FARS2: variants seen among roughly 807,000 people sequenced by gnomAD.
FARS2 encodes the protein phenylalanine--tRNA ligase, mitochondrial.
Under a neutral mutation model 46.4 loss-of-function variants are expected in FARS2, and 40 were observed. That is an observed-to-expected ratio of 0.86 (90% CI 0.67 to 1.12). The LOEUF is 1.12. FARS2 is among the 50% of genes most tolerant of loss of function. The probability of loss-of-function intolerance (pLI) is 0.00; values close to 1 mark genes in which losing one functional copy is unlikely to be tolerated. For missense variants in FARS2, 513 were observed against 567.9 expected (o/e 0.90, Z 0.98); for synonymous variants, 234 against 214.9 (o/e 1.09, Z -0.78).
At chr6:5,626,502 G>A (rs1561762088) in intron 6 of FARS2, among the ~76,000 whole-genome samples, 1 of 152,152 alleles carries the variant, frequency 6.6e-6, no homozygotes, top group Admixed American at 6.5e-5. Flanking sequence ...AGAGCTGTAC[G>A]TTTCCCCACT....
rs1411228287 is a variant in FARS2, at chr6:5,765,425, C to T, written c.1218-5866C>T. Among the ~76,000 whole-genome samples the T allele has an allele frequency of 2.0e-5, 3 of 152,214 alleles. No homozygotes were observed. Among genetic ancestry groups the T allele is most frequent in the Admixed American group, 1.3e-4 (2 of 15,284 alleles). ...TGGAAGAGGTGGGCCCTGGGCACAG[C>T]ATGTACTATGGCATCGCTCATCACC... On this transcript the variant is annotated intron_variant, in intron 6 of 6. Transcript: ENST00000274680. The surrounding 1 kb of genome is among the most constrained non-coding windows in gnomAD (Gnocchi z 4.0).
At chr6:5,588,490 A>C (rs1773742593) in intron 5 of FARS2, among the ~76,000 whole-genome samples, 1 of 152,136 alleles carries the variant, frequency 6.6e-6, no homozygotes, top group Non-Finnish European at 1.5e-5. Context: ...CTGCATATAA[A>C]AGCAAAGTCC....
At chr6:5,391,354 A>G (rs1760500831) in intron 2 of FARS2, among the ~76,000 whole-genome samples, 1 of 152,206 alleles carries the variant, frequency 6.6e-6, no homozygotes, top group South Asian at 2.1e-4. Flanking sequence ...AAGGATTGTG[A>G]AGATTAAAGA....
intron 6 of FARS2, among the ~76,000 whole-genome samples, chr6:5,758,612 T>A (rs1212264364): frequency 6.6e-6 from 1 of 152,146 alleles, no homozygotes; most frequent in Non-Finnish European, 1.5e-5. Flanking sequence ...CTTGCTGCCT[T>A]TACGCTCTGC....
chr6:5,322,604 T>G (rs1180980130), intron 1 of FARS2, among the ~76,000 whole-genome samples: 2 of 152,096 alleles, frequency 1.3e-5, no homozygotes, highest in Non-Finnish European at 2.9e-5. Context: ...TATAATAGGG[T>G]GGGAAGTAAG....
upstream of FARS2, chr6:5,260,989 C>T: frequency 2.6e-6 from 3 of 1,132,192 alleles, no homozygotes; most frequent in Non-Finnish European, 3.3e-6. Context: ...GGAGATGCCT[C>T]CGCCCCGCCC....
chr6:5,472,883 C>T (rs559575805), intron 4 of FARS2, among the ~76,000 whole-genome samples: 8 of 152,054 alleles, frequency 5.3e-5, no homozygotes, highest in Admixed American at 1.3e-4. Flanking sequence ...TACACACCCC[C>T]GCAACTTTGT....
intron 6 of FARS2, among the ~76,000 whole-genome samples, chr6:5,673,404 A>G (rs1210708924): frequency 5.9e-5 from 9 of 152,162 alleles, no homozygotes; most frequent in Non-Finnish European, 5.9e-5. Flanking sequence ...AGGGCACCAC[A>G]GTTAATAAGG....
chr6:5,651,621 A>G (rs1302751182), intron 6 of FARS2, among the ~76,000 whole-genome samples: 2 of 152,220 alleles, frequency 1.3e-5, no homozygotes, highest in Non-Finnish European at 2.9e-5. Context: ...TGAAGGCTTC[A>G]GGGACACTTC....
intron 6 of FARS2, among the ~76,000 whole-genome samples, chr6:5,721,547 G>A (rs559766233): frequency 1.4e-4 from 22 of 152,146 alleles, no homozygotes; most frequent in South Asian, 6.2e-4. Flanking sequence ...GTGTGAAATC[G>A]TGCATCATTC....
At chr6:5,539,807 TCAG>T (rs1770503620) in intron 4 of FARS2, among the ~76,000 whole-genome samples, 1 of 152,164 alleles carries the variant, frequency 6.6e-6, no homozygotes, top group African/African-American at 2.4e-5. Context: ...ATTCTCATCA[TCAG>T]CATTACTCCC....
chr6:5,597,182 G>C (rs1336947456), intron 5 of FARS2, among the ~76,000 whole-genome samples: 2 of 152,208 alleles, frequency 1.3e-5, no homozygotes, highest in African/African-American at 4.8e-5. Context: ...TGACCCAACA[G>C]ATGGCCAAAA....
At chr6:5,264,844 A>T (rs1478970412) in intron 1 of FARS2, among the ~76,000 whole-genome samples, 1 of 152,172 alleles carries the variant, frequency 6.6e-6, no homozygotes, top group African/African-American at 2.4e-5. Context: ...ACTAAGCTGG[A>T]GTGCAGTAGT....
chr6:5,358,193 A>G (rs962127867), intron 1 of FARS2, among the ~76,000 whole-genome samples: 1 of 152,218 alleles, frequency 6.6e-6, no homozygotes, highest in Admixed American at 6.5e-5. Flanking sequence ...TTGATTTAAA[A>G]AAATTTTTAA....
At chr6:5,635,065 C>T (rs1267161618) in intron 6 of FARS2, among the ~76,000 whole-genome samples, 2 of 152,330 alleles carry the variant, frequency 1.3e-5, no homozygotes, top group African/African-American at 2.4e-5. Flanking sequence ...TGGAACCATT[C>T]GAGCAAGTTA....
chr6:5,346,101 A>C (rs1007265745), intron 1 of FARS2, among the ~76,000 whole-genome samples: 1 of 152,170 alleles, frequency 6.6e-6, no homozygotes, highest in African/African-American at 2.4e-5. Context: ...AGTCACCTAG[A>C]AGTCTCTTCC....
intron 1 of FARS2, among the ~76,000 whole-genome samples, chr6:5,263,300 A>T (rs1322038794): frequency 6.6e-6 from 1 of 152,224 alleles, no homozygotes; most frequent in African/African-American, 2.4e-5. Flanking sequence ...TAGTTTAAAT[A>T]GTTTGGGTAG....
At chr6:5,535,691 G>A (rs1205379824) in intron 4 of FARS2, among the ~76,000 whole-genome samples, 1 of 152,136 alleles carries the variant, frequency 6.6e-6, no homozygotes, top group African/African-American at 2.4e-5. Context: ...TTATTTTGTT[G>A]AGGGCATTCC....
At chr6:5,484,959 C>T (rs1428110589) in intron 4 of FARS2, among the ~76,000 whole-genome samples, 1 of 152,198 alleles carries the variant, frequency 6.6e-6, no homozygotes, top group East Asian at 1.9e-4. Context: ...AGATTAGACA[C>T]TGTGGGTGTT....
Sources: gnomAD v4.1 joint callset for allele counts (sites outside exome capture counted in the v4.1 genomes callset) on GRCh38, gnomAD v4.1.1 for gene constraint, Gnocchi (gnomAD v3.1) non-coding constraint, MANE v1.5 for transcripts, NCBI Gene and HGNC (gene_info 2026-07-23, HGNC 2026-07-21) for gene names.